AXDND1: variants seen among roughly 807,000 people sequenced by gnomAD.
AXDND1 encodes axonemal dynein light chain domain-containing protein 1.
A neutral mutation model predicts 137.5 loss-of-function variants in AXDND1; 110 were observed. The ratio of observed to expected loss-of-function variants is 0.80; its 90% CI spans 0.69 to 0.94. The LOEUF (loss-of-function observed/expected upper bound fraction) is 0.94. Among genes scored for constraint, AXDND1 ranks in the 40% least tolerant of loss-of-function variants. The pLI, the probability that AXDND1 is intolerant of heterozygous loss-of-function variation, is 0.00. For synonymous variants in AXDND1, 414 were observed against 399.7 expected, an observed-to-expected ratio of 1.04 and a Z score of -0.43; for missense variants, 1,191 against 1,169.8, an observed-to-expected ratio of 1.02 and a Z score of -0.26.
At chr1:179,373,581 A>G (rs1246669494) in intron 4 of AXDND1, among the ~76,000 whole-genome samples, 1 of 152,194 alleles carries the variant, frequency 6.6e-6, no homozygotes, top group African/African-American at 2.4e-5. Flanking sequence ...AAACTATACT[A>G]CAAGGCTACA....
At chr1:179,459,343 A>G (rs1400772247) in intron 16 of AXDND1, among the ~76,000 whole-genome samples, 2 of 152,140 alleles carry the variant, frequency 1.3e-5, no homozygotes, top group Admixed American at 6.5e-5. Flanking sequence ...AGAAAATTAT[A>G]TATGTAATAT....
Position 179,395,097 on chromosome 1 carries a change from G to C in AXDND1, c.1005-1G>C, listed in dbSNP as rs767956177. On this transcript the variant is annotated splice_acceptor_variant, in intron 10 of 25. Transcript: ENST00000367618. LOFTEE classifies it high-confidence loss of function. The stretch of plus-strand genomic sequence containing the variant: ...TTAAAAATTTCTTTGCTTTATTTCA[G>C]GGAACTGTGTCTAGTTCGGGCACAT... The C allele has an allele frequency of 3.8e-6, 6 of 1,592,616 alleles. No homozygotes were observed. The highest frequency in any genetic ancestry group is 5.1e-6 in the Non-Finnish European group (6 of 1,173,384).
chr1:179,414,113 G>A (rs4607824), intron 12 of AXDND1, among the ~76,000 whole-genome samples: 132,702 of 151,902 alleles, frequency 0.87, 58,071 homozygotes, highest in East Asian at 0.9. Flanking sequence ...AAATAATGCA[G>A]TTTTCTAACC....
intron 16 of AXDND1, among the ~76,000 whole-genome samples, chr1:179,464,317 T>C (rs1237600539): frequency 3.3e-5 from 5 of 152,298 alleles, no homozygotes; most frequent in African/African-American, 1.2e-4. Flanking sequence ...CTGGTGGTGA[T>C]AAAATCTCTC....
chr1:179,378,835 A>C, intron 5 of AXDND1, 78 bp downstream of exon 5: 1 of 1,126,076 alleles, frequency 8.9e-7, no homozygotes, highest in Non-Finnish European at 1.1e-6. Context: ...TTTTTAATAT[A>C]AATATAAAAT....
At chr1:179,530,026 G>A (rs1289991892) in intron 23 of AXDND1, among the ~76,000 whole-genome samples, 1 of 152,060 alleles carries the variant, frequency 6.6e-6, no homozygotes, top group Non-Finnish European at 1.5e-5. Flanking sequence ...GGAATACAAT[G>A]TCGTGAGATT....
intron 16 of AXDND1, among the ~76,000 whole-genome samples, chr1:179,459,728 T>C (rs1175347279): frequency 9.3e-6 from 1 of 107,262 alleles, no homozygotes; most frequent in Non-Finnish European, 1.9e-5. Flanking sequence ...CTTTCTTTCC[T>C]TCCTTCCTTT....
intron 20 of AXDND1, among the ~76,000 whole-genome samples, chr1:179,501,014 GC>G (rs1667943979): frequency 6.6e-6 from 1 of 152,182 alleles, no homozygotes; most frequent in East Asian, 1.9e-4. Flanking sequence ...AGTCATATTA[GC>G]CATATTTTAA....
In AXDND1 at chr1:179,430,481, G is replaced by T. The variant is rs148645632; in HGVS notation, c.1362G>T (p.Lys454Asn). Residue 454 changes from lysine (K) to asparagine (N), a missense_variant, in exon 14 of 26, where the codon AAG becomes AAT. Physicochemically the swap from Lys to Asn is moderately conservative, Grantham distance 94 (BLOSUM62 0). Transcript: ENST00000367618. Reference protein sequence around the residue: ...KDTEDLALLQKLTQKWRNLVN... With the variant: ...KDTEDLALLQNLTQKWRNLVN... ...CTGAAGACCTTGCACTGTTGCAGAA[G>T]TTGACACAAAAATGGAGAAACTTAG... 2.5e-6 allele frequency: 4 copies of T among 1,613,632 alleles called. No individual in the cohort carries two copies. The highest frequency in any genetic ancestry group is 3.4e-6 in the Non-Finnish European group (4 of 1,179,854).
At chr1:179,377,690 A>C (rs952568196) in intron 4 of AXDND1, among the ~76,000 whole-genome samples, 21 of 152,338 alleles carry the variant, frequency 1.4e-4, no homozygotes, top group African/African-American at 3.8e-4. Context: ...ATTCCAGGGA[A>C]GCATGGTAGA....
At chr1:179,496,913 TA>T (rs991255521) in intron 20 of AXDND1, among the ~76,000 whole-genome samples, 17 of 152,162 alleles carry the variant, frequency 1.1e-4, no homozygotes, top group Admixed American at 6.6e-5. Context: ...TAATTCCATT[TA>T]AAATACATTT....
chr1:179,445,197 G>A lies in AXDND1; in HGVS notation c.1791G>A (p.Gly597=). Residue 597 remains glycine (G), a synonymous_variant, in exon 16 of 26, where the codon GGG becomes GGA. Transcript: ENST00000367618. ...LYKEYEIRIN[G]DNGYSKILPS... Reference sequence around the variant, plus strand: ...AAGAATATGAAATAAGAATAAATGGGGACAATGGTAAGAAAATACTCATAA... The same window carrying A: ...AAGAATATGAAATAAGAATAAATGGAGACAATGGTAAGAAAATACTCATAA... 2 of 1,532,938 alleles carry A rather than the reference G, an allele frequency of 1.3e-6. No homozygotes were observed. The highest frequency in any genetic ancestry group is 1.8e-6 in the Non-Finnish European group (2 of 1,128,626). The allele number at this position is 1,532,938 out of a possible 1,614,324, so 95.0% of individuals were successfully genotyped here.
At chr1:179,550,399 G>A (rs934948721) in intron 25 of AXDND1, 3 of 152,026 alleles carry the variant, frequency 2.0e-5, no homozygotes, top group Non-Finnish European at 4.4e-5. Context: ...AAACAAGCTG[G>A]TAAGTTCTAT....
rs186508157 is a variant in AXDND1 at position 179,480,086 on chromosome 1, A to G, written c.1998-3042A>G. Among the ~76,000 whole-genome samples the G allele has an allele frequency of 1.9e-3, 286 of 151,962 alleles. 3 individuals carry two copies. The highest frequency in any genetic ancestry group is 6.4e-3 in the African/African-American group (265 of 41,430). On this transcript the variant is annotated intron_variant, in intron 17 of 25. Coordinates refer to ENST00000367618, the MANE Select transcript of AXDND1 (RefSeq NM_144696.6). ...CTTCTGAGCCCTTCAAACTGTTCCA[A>G]CCTCTGCCTGTTACCCAGTTCCAAG...
At chr1:179,380,278 G>T (rs998508943) in intron 6 of AXDND1, among the ~76,000 whole-genome samples, 1 of 148,748 alleles carries the variant, frequency 6.7e-6, no homozygotes, top group African/African-American at 2.5e-5. Context: ...GAAAGAAAAA[G>T]ATACAAATTA....
At chr1:179,484,422 CAG>C (rs1486836556) in intron 18 of AXDND1, among the ~76,000 whole-genome samples, 3 of 152,156 alleles carry the variant, frequency 2.0e-5, no homozygotes, top group Admixed American at 2.0e-4. Flanking sequence ...AAGACAGGGC[CAG>C]TTTCACCTGA....
chr1:179,535,156 A>AT, intron 25 of AXDND1, 194 bp downstream of exon 25: 1 of 744,902 alleles, frequency 1.3e-6, no homozygotes, highest in Non-Finnish European at 2.1e-6. Context: ...AACCAAATGA[A>AT]TAACAATTGT....
At chr1:179,396,605 G>C (rs571128114) in intron 11 of AXDND1, among the ~76,000 whole-genome samples, 1 of 151,014 alleles carries the variant, frequency 6.6e-6, no homozygotes, top group Non-Finnish European at 1.5e-5. Flanking sequence ...CCGAGACTGC[G>C]CCACTGCACT....
At chr1:179,376,379 T>C (rs1647272616) in intron 4 of AXDND1, among the ~76,000 whole-genome samples, 1 of 152,080 alleles carries the variant, frequency 6.6e-6, no homozygotes, top group Non-Finnish European at 1.5e-5. Context: ...TATATGAGGG[T>C]TTCATATCCG....
Sources: allele counts gnomAD v4.1 joint callset (sites outside exome capture counted in the v4.1 genomes callset), GRCh38; gene constraint gnomAD v4.1.1; transcripts MANE v1.5; gene names NCBI Gene and HGNC (gene_info 2026-07-23, HGNC 2026-07-21).